IFRD1: variants seen among roughly 807,000 people sequenced by gnomAD.
IFRD1 encodes the protein interferon related developmental regulator 1, also known as interferon-related developmental regulator 1.
Under a neutral mutation model 52.9 loss-of-function variants are expected in IFRD1, and 35 were observed. The observed-to-expected ratio is 0.66, with a 90% CI of 0.51 to 0.88. The LOEUF is 0.88. Among genes scored for constraint, IFRD1 ranks in the 40% least tolerant of loss-of-function variants. The pLI is 0.00. For missense variants in IFRD1, 517 were observed against 550.8 expected (o/e 0.94, Z 0.61); for synonymous variants, 184 against 188.4 (o/e 0.98, Z 0.19).
chr7:112,426,021 T>A (rs146204802), intron 1 of IFRD1, among the ~76,000 whole-genome samples: 8 of 152,310 alleles, frequency 5.3e-5, no homozygotes, highest in Non-Finnish European at 1.0e-4. Context: ...TCAGGCCACT[T>A]GTCTCTGGTA....
chr7:112,472,804 C>G lies in IFRD1; in HGVS notation c.1209C>G (p.Pro403=), dbSNP rs746139493. Residue 403 remains proline (P), a synonymous_variant, in exon 11 of 12, where the codon CCC becomes CCG. Transcript: ENST00000403825. ...TTCGAAATGTATTTGAACTTGGACCCCCAGTGATGCTTGATGCTGCAACGC... is the reference window on the plus strand; with the variant it reads ...TTCGAAATGTATTTGAACTTGGACCGCCAGTGATGCTTGATGCTGCAACGC... The part of the protein sequence containing the change: ...EFLRNVFELG[P]PVMLDAATLK... The G allele has an allele frequency of 1.2e-6, 2 of 1,613,298 alleles. No homozygotes were observed. Among genetic ancestry groups the G allele is most frequent in the African/African-American group, 1.3e-5 (1 of 74,900 alleles).
At chr7:112,447,067 A>G (rs1795047073), upstream of IFRD1, among the ~76,000 whole-genome samples, 1 of 152,230 alleles carries the variant, frequency 6.6e-6, no homozygotes, top group African/African-American at 2.4e-5. Flanking sequence ...AAAGTCATTC[A>G]AAGAAAACCT....
intron 1 of IFRD1, among the ~76,000 whole-genome samples, chr7:112,454,811 T>A (rs1275916197): frequency 2.0e-5 from 3 of 151,962 alleles, no homozygotes; most frequent in African/African-American, 7.2e-5. Context: ...ATTGTCTTCA[T>A]GATTTGAAAT....
rs775409071 is a variant in IFRD1, at chr7:112,456,094, A to G, written c.284+8A>G. The G allele has an allele frequency of 1.9e-5, 29 of 1,512,960 alleles. No homozygotes were observed. The highest frequency in any genetic ancestry group is 2.7e-5 in the Non-Finnish European group (29 of 1,087,876). 93.7% of individuals were successfully genotyped at this position (1,512,960 alleles called of 1,614,324 possible). On this transcript the variant is annotated splice_region_variant and intron_variant, in intron 3 of 11. Coordinates refer to ENST00000403825, the MANE Select transcript of IFRD1 (RefSeq NM_001550.4). ...CCTAACCCTGGATAAGAGGTAGGCAATACTGGAAACTCCATTCTGTGTGAG... is the reference window on the plus strand; with the variant it reads ...CCTAACCCTGGATAAGAGGTAGGCAGTACTGGAAACTCCATTCTGTGTGAG...
At chr7:112,465,314 T>G (rs1011283066) in intron 8 of IFRD1, among the ~76,000 whole-genome samples, 3 of 152,240 alleles carry the variant, frequency 2.0e-5, no homozygotes, top group Non-Finnish European at 2.9e-5. Flanking sequence ...TGTATAGAAA[T>G]AATAGCTTGG....
chr7:112,432,181 T>C (rs928491376), intron 1 of IFRD1, among the ~76,000 whole-genome samples: 14 of 152,232 alleles, frequency 9.2e-5, no homozygotes, highest in African/African-American at 3.1e-4. Flanking sequence ...AAATCAGTTA[T>C]TGTGGCCTAC....
intron 1 of IFRD1, among the ~76,000 whole-genome samples, chr7:112,442,195 C>T (rs1794906951): frequency 6.6e-6 from 1 of 152,108 alleles, no homozygotes; most frequent in Non-Finnish European, 1.5e-5. Flanking sequence ...ATGCTGGAGG[C>T]CTGGTTGAGT....
In IFRD1 at chr7:112,472,830, T is replaced by C. The variant is rs765923828; in HGVS notation, c.1235T>C (p.Leu412Pro). 1.9e-6 allele frequency: 3 copies of C among 1,613,516 alleles called. No homozygotes were observed. The East Asian group carries it at 6.7e-5, about 36-fold the overall frequency. The change falls in exon 11 of 12, where the codon CTT (leucine) becomes CCT (proline). Residue 412 changes from leucine to proline, a missense_variant. Coordinates refer to ENST00000403825, the MANE Select transcript of IFRD1 (RefSeq NM_001550.4). ...CCAGTGATGCTTGATGCTGCAACGCTTAAAACGATGAAGATTTCTCGTTTC... is the reference window on the plus strand; with the variant it reads ...CCAGTGATGCTTGATGCTGCAACGCCTAAAACGATGAAGATTTCTCGTTTC... Reference protein sequence around the residue: ...GPPVMLDAATLKTMKISRFER... With the variant: ...GPPVMLDAATPKTMKISRFER...
chr7:112,474,914 A>C (rs1242243401), intron 11 of IFRD1, among the ~76,000 whole-genome samples: 4 of 151,980 alleles, frequency 2.6e-5, no homozygotes, highest in African/African-American at 9.7e-5. Context: ...GGCGTTTTAC[A>C]ATTTGATTAG....
chr7:112,467,999 A>G lies in IFRD1; in HGVS notation c.925A>G (p.Met309Val), dbSNP rs1795655923. The change falls in exon 9 of 12, where the codon ATG becomes GTG. Residue 309 changes from methionine (M) to valine (V), a missense_variant. Coordinates refer to ENST00000403825, the MANE Select transcript of IFRD1 (RefSeq NM_001550.4). ...TGTCCAGGACTTTTTTTATGAAGAC[A>G]TGGAGTCCTTGACGCAGATGCTTAG... is the stretch of plus-strand genomic sequence containing the variant. Reference protein sequence around the residue: ...GIESDFFYEDMESLTQMLRAL... With the variant: ...GIESDFFYEDVESLTQMLRAL... 5.6e-6 allele frequency: 9 copies of G among 1,613,970 alleles called. No individual in the cohort carries two copies. The highest frequency in any genetic ancestry group is 2.7e-5 in the African/African-American group (2 of 74,940).
At chr7:112,460,513 A>T (rs984620164) in intron 5 of IFRD1, among the ~76,000 whole-genome samples, 1 of 152,022 alleles carries the variant, frequency 6.6e-6, no homozygotes, top group African/African-American at 2.4e-5. Flanking sequence ...AAAAGTGTTG[A>T]GATTATGGGT....
At position 112,442,127 on chromosome 7, in the gene IFRD1, C is replaced by CTA. The variant is rs573188778; in HGVS notation, c.-181-8380_-181-8379dup. Among the ~76,000 whole-genome samples the CTA allele has an allele frequency of 1.3e-3, 195 of 152,310 alleles. 1 individual carries two copies. Among genetic ancestry groups the CTA allele is most frequent in the Admixed American group, 2.4e-3 (36 of 15,304 alleles). On this transcript the variant is annotated intron_variant, in intron 1 of 12. Transcript: ENST00000005558. ...TGACTCTAGTTCTGTCTGTCTGGAT[C>CTA]TAAAACTCGGTGACCCTCCAGCACA...
intron 1 of IFRD1, among the ~76,000 whole-genome samples, chr7:112,437,648 TCCCCATAATGGAAATC>T (rs1438358465): frequency 6.6e-6 from 1 of 151,368 alleles, no homozygotes; most frequent in Non-Finnish European, 1.5e-5. Context: ...CTATGCTACT[TCCCCATAATGGAAATC>T]CCTCCAGAGC....
At chr7:112,466,737 C>G (rs1795619589) in intron 8 of IFRD1, among the ~76,000 whole-genome samples, 1 of 152,114 alleles carries the variant, frequency 6.6e-6, no homozygotes, top group Admixed American at 6.6e-5. Flanking sequence ...TACATATATA[C>G]ACACATATAT....
chr7:112,427,907 G>C (rs1487380375), intron 1 of IFRD1, among the ~76,000 whole-genome samples: 1 of 152,140 alleles, frequency 6.6e-6, no homozygotes, highest in African/African-American at 2.4e-5. Flanking sequence ...CTATAAACAG[G>C]TCCTTTTAAC....
Position 112,476,482 on chromosome 7 carries a change from A to C in IFRD1, c.*963A>C, listed in dbSNP as rs2190587. ...AGACCAGCCTGGGCAACATAGCGAG[A>C]CCCTGTCTCTACCAGAAATTTAAAA... On this transcript the variant is annotated 3_prime_UTR_variant, in exon 12 of 12. Transcript: ENST00000403825. 71,200 of 151,858 alleles carry C rather than the reference A, an allele frequency of 0.47. 17,131 individuals carry two copies. Among genetic ancestry groups the C allele is most frequent in the Non-Finnish European group, 0.51 (35,002 of 68,016 alleles). The allele number at this position is 151,858 out of a possible 1,614,324, so 9.4% of individuals were successfully genotyped here. A position where few individuals can be genotyped will look rare whatever the true frequency, so the allele number is the denominator to read the frequency against.
intron 8 of IFRD1, among the ~76,000 whole-genome samples, chr7:112,464,577 T>C (rs1051620144): frequency 3.3e-5 from 5 of 152,192 alleles, no homozygotes; most frequent in African/African-American, 1.2e-4. Flanking sequence ...TGAGAACACA[T>C]GATAGGTACA....
At chr7:112,454,435 T>C (rs923023767) in intron 1 of IFRD1, among the ~76,000 whole-genome samples, 4 of 152,116 alleles carry the variant, frequency 2.6e-5, no homozygotes, top group Non-Finnish European at 4.4e-5. Context: ...TCAGGTGATC[T>C]GCCGGCCTCA....
At chr7:112,434,885 T>C (rs1166218990) in intron 1 of IFRD1, among the ~76,000 whole-genome samples, 1 of 152,200 alleles carries the variant, frequency 6.6e-6, no homozygotes, top group Non-Finnish European at 1.5e-5. Flanking sequence ...ACACTTTCCA[T>C]AGACATTGAA....
Sources: gnomAD v4.1 joint callset for allele counts (sites outside exome capture counted in the v4.1 genomes callset) on GRCh38, gnomAD v4.1.1 for gene constraint, MANE v1.5 for transcripts, NCBI Gene and HGNC (gene_info 2026-07-23, HGNC 2026-07-21) for gene names.